Variants in SLMAP observed in about 807,000 individuals in gnomAD.
The protein encoded by SLMAP is sarcolemma associated protein.
In SLMAP, 44 loss-of-function variants were observed where a neutral mutation model predicts 128.8. That is an observed-to-expected ratio of 0.34 (90% CI 0.27 to 0.44). The LOEUF is 0.44. Among genes scored for constraint, SLMAP ranks in the 20% least tolerant of loss-of-function variants. The pLI is 1.00. For synonymous variants in SLMAP, 327 were observed against 348.8 expected, an observed-to-expected ratio of 0.94 and a Z score of 0.70; for missense variants, 787 against 985.3, an observed-to-expected ratio of 0.80 and a Z score of 2.69.
At chr3:57,914,886 ATTTTTTTT>A (rs201557292) in intron 21 of SLMAP, among the ~76,000 whole-genome samples, 1 of 134,568 alleles carries the variant, frequency 7.4e-6, no homozygotes, top group African/African-American at 2.7e-5. Flanking sequence ...TCAACTCATA[ATTTTTTTT>A]TTTTTTTTTG....
At chr3:57,837,862 T>C (rs560866502) in intron 3 of SLMAP, among the ~76,000 whole-genome samples, 70 of 152,258 alleles carry the variant, frequency 4.6e-4, no homozygotes, top group Non-Finnish European at 8.5e-4. Context: ...TCTATGCATG[T>C]GTGTATCTGG....
At chr3:57,857,505 C>G (rs2094850979) in intron 6 of SLMAP, among the ~76,000 whole-genome samples, 1 of 152,144 alleles carries the variant, frequency 6.6e-6, no homozygotes, top group South Asian at 2.1e-4. Flanking sequence ...TTCTGTCTGT[C>G]TCTCTCAAAA....
chr3:57,848,787 G>A (rs2094394286), intron 5 of SLMAP, among the ~76,000 whole-genome samples: 1 of 129,766 alleles, frequency 7.7e-6, no homozygotes, highest in South Asian at 2.4e-4. Flanking sequence ...TCAGTTTACT[G>A]CAACCTCCGC....
chr3:57,869,627 C>CTTT (rs2095419355), intron 13 of SLMAP, among the ~76,000 whole-genome samples: 1 of 40,154 alleles, frequency 2.5e-5, no homozygotes, highest in Non-Finnish European at 4.6e-5. Context: ...GATCCCATCT[C>CTTT]TATTATATAT....
chr3:57,890,575 G>T (rs867892074), intron 15 of SLMAP: 1 of 152,806 alleles, frequency 6.5e-6, no homozygotes, highest in African/African-American at 2.4e-5. Context: ...CAAAATTAAT[G>T]ACTTTTGTGA....
chr3:57,758,045 G>A (rs994816404), intron 2 of SLMAP, among the ~76,000 whole-genome samples, 196 bp downstream of exon 2: 2 of 152,112 alleles, frequency 1.3e-5, no homozygotes, highest in Non-Finnish European at 2.9e-5. Context: ...AAACAGAGAA[G>A]GTATTGTAAT....
At chr3:57,879,361 TC>T (rs1401889154) in intron 14 of SLMAP, among the ~76,000 whole-genome samples, 1 of 152,222 alleles carries the variant, frequency 6.6e-6, no homozygotes, top group Non-Finnish European at 1.5e-5. Context: ...TATTATACTC[TC>T]AGTTCTACTC....
chr3:57,904,462 T>C (rs891397916), intron 17 of SLMAP, among the ~76,000 whole-genome samples: 28 of 152,192 alleles, frequency 1.8e-4, no homozygotes, highest in African/African-American at 6.5e-4. Context: ...GTTGCAGACA[T>C]GATAGCCTTT....
chr3:57,842,095 A>G lies in SLMAP; in HGVS notation c.419+724A>G, dbSNP rs376297771. ...CCAACATAATATTTTCCTGTCTTTCAAAAACAGAGACAGTGACCTGAGGGT... is the reference window on the plus strand; with the variant it reads ...CCAACATAATATTTTCCTGTCTTTCGAAAACAGAGACAGTGACCTGAGGGT... On this transcript the variant is annotated intron_variant, in intron 4 of 24. Transcript: ENST00000671191. Among the ~76,000 whole-genome samples the G allele has an allele frequency of 7.4e-4, 112 of 152,274 alleles. 2 individuals are homozygous for G. Among genetic ancestry groups the G allele is most frequent in the African/African-American group, 2.5e-3 (104 of 41,572 alleles).
chr3:57,863,982 C>A (rs1034555109), intron 10 of SLMAP, among the ~76,000 whole-genome samples: 1 of 152,068 alleles, frequency 6.6e-6, no homozygotes, highest in African/African-American at 2.4e-5. Flanking sequence ...TCCACATTGA[C>A]CCTTTACCTC....
At chr3:57,848,709 CTT>C (rs34568039) in intron 5 of SLMAP, among the ~76,000 whole-genome samples, 8 of 103,592 alleles carry the variant, frequency 7.7e-5, no homozygotes, top group African/African-American at 1.8e-4. Flanking sequence ...CCTCCTACTC[CTT>C]TTTTTTTTTT....
At chr3:57,912,213 C>G in intron 19 of SLMAP, 168 bp from the exon 20 acceptor site, 2 of 500,118 alleles carry the variant, frequency 4.0e-6, no homozygotes. Context: ...GTTTTTTTTT[C>G]CTCTTTGCTA....
At chr3:57,835,895 C>T (rs1191068397) in intron 3 of SLMAP, among the ~76,000 whole-genome samples, 2 of 151,928 alleles carry the variant, frequency 1.3e-5, no homozygotes, top group African/African-American at 4.8e-5. Flanking sequence ...CTATATAGTG[C>T]TTTTGAATAC....
At chr3:57,766,053 C>G (rs1351131676) in intron 2 of SLMAP, among the ~76,000 whole-genome samples, 9 of 147,626 alleles carry the variant, frequency 6.1e-5, no homozygotes, top group African/African-American at 2.3e-4. Flanking sequence ...GGCTGGAATA[C>G]AGTGGCGCGA....
At chr3:57,858,941 T>TCAACAA (rs900798293) in intron 8 of SLMAP, among the ~76,000 whole-genome samples, 1 of 151,632 alleles carries the variant, frequency 6.6e-6, no homozygotes, top group Admixed American at 6.6e-5. Flanking sequence ...AAACTCTGTC[T>TCAACAA]CAACAACAAC....
At chr3:57,798,288 T>C (rs2087272095) in intron 2 of SLMAP, among the ~76,000 whole-genome samples, 2 of 152,212 alleles carry the variant, frequency 1.3e-5, no homozygotes, top group African/African-American at 4.8e-5. Context: ...TTTTGGACTT[T>C]GGACTTGCTT....
At chr3:57,840,975 T>C (rs2093907107) in intron 3 of SLMAP, among the ~76,000 whole-genome samples, 1 of 152,218 alleles carries the variant, frequency 6.6e-6, no homozygotes, top group Admixed American at 6.5e-5. Context: ...ACCTTATGTT[T>C]GATACTGGCA....
intron 6 of SLMAP, among the ~76,000 whole-genome samples, chr3:57,851,734 C>T (rs189844821): frequency 2.1e-4 from 32 of 152,202 alleles, no homozygotes; most frequent in Admixed American, 1.0e-3. Flanking sequence ...ATCCATCCAC[C>T]TTGGCCTCCC....
At chr3:57,794,583 A>AC (rs1378236044) in intron 2 of SLMAP, among the ~76,000 whole-genome samples, 15 of 151,858 alleles carry the variant, frequency 9.9e-5, no homozygotes, top group South Asian at 6.2e-4. Flanking sequence ...ATTAGCAGTC[A>AC]CCCCCCCATT....
Sources: gnomAD v4.1 joint callset for allele counts (sites outside exome capture counted in the v4.1 genomes callset) on GRCh38, gnomAD v4.1.1 for gene constraint, MANE v1.5 for transcripts, NCBI Gene and HGNC (gene_info 2026-07-23, HGNC 2026-07-21) for gene names.